Variants in PDE8B observed in about 807,000 individuals in gnomAD.
PDE8B encodes high affinity cAMP-specific and IBMX-insensitive 3',5'-cyclic phosphodiesterase 8B.
Under a neutral mutation model 101.3 loss-of-function variants are expected in PDE8B, and 26 were observed. The observed-to-expected ratio is 0.26, with a 90% CI of 0.19 to 0.36. The LOEUF (loss-of-function observed/expected upper bound fraction) is 0.36. Among genes scored for constraint, PDE8B ranks in the 10% least tolerant of loss-of-function variants. The probability of loss-of-function intolerance (pLI) is 1.00; values close to 1 mark genes in which losing one functional copy is unlikely to be tolerated. For missense variants in PDE8B, 810 were observed against 1,163.1 expected, an observed-to-expected ratio of 0.70 and a Z score of 4.42; for synonymous variants, 424 against 429.3, an observed-to-expected ratio of 0.99 and a Z score of 0.15.
intron 11 of PDE8B, among the ~76,000 whole-genome samples, chr5:77,401,228 C>G (rs1300475985): frequency 6.6e-6 from 1 of 152,194 alleles, no homozygotes; most frequent in Non-Finnish European, 1.5e-5. Flanking sequence ...GCTGGGATAA[C>G]ATAATGACAC....
intron 1 of PDE8B, among the ~76,000 whole-genome samples, chr5:77,242,710 C>T (rs367615295): frequency 5.9e-5 from 9 of 152,224 alleles, no homozygotes; most frequent in Non-Finnish European, 1.3e-4. Flanking sequence ...CTCCCTCTGT[C>T]GCCCAGGCTG....
intron 10 of PDE8B, among the ~76,000 whole-genome samples, chr5:77,385,795 G>GT (rs35717428): frequency 0.2 from 21,755 of 107,830 alleles, 3,578 homozygotes; most frequent in African/African-American, 0.36. Context: ...AGTGAGTGAG[G>GT]TTTTTTTTTT....
chr5:77,374,263 A>G (rs1460878829), intron 10 of PDE8B, among the ~76,000 whole-genome samples: 2 of 152,002 alleles, frequency 1.3e-5, no homozygotes, highest in Non-Finnish European at 2.9e-5. Context: ...ATCTGTGTCT[A>G]TTGAAGGTAT....
the PDE8B span, among the ~76,000 whole-genome samples, chr5:77,191,867 C>T: frequency 6.6e-6 from 1 of 151,922 alleles, no homozygotes; most frequent in Non-Finnish European, 1.5e-5. Context: ...CAGTGGGAGC[C>T]CTGAGCTTGT....
At chr5:77,317,576 C>T (rs1393566547) in intron 2 of PDE8B, among the ~76,000 whole-genome samples, 1 of 152,212 alleles carries the variant, frequency 6.6e-6, no homozygotes, top group Non-Finnish European at 1.5e-5. Context: ...ATGTGACCCA[C>T]AGGGAAAGTC....
chr5:77,269,194 A>G (rs1257055015), intron 1 of PDE8B, among the ~76,000 whole-genome samples: 1 of 152,066 alleles, frequency 6.6e-6, no homozygotes, highest in East Asian at 1.9e-4. Flanking sequence ...ATGATATCTC[A>G]TTGTAGTTTT....
intron 10 of PDE8B, among the ~76,000 whole-genome samples, chr5:77,397,064 ACT>A (rs777332251): frequency 5.3e-3 from 460 of 86,000 alleles, no homozygotes; most frequent in Middle Eastern, 0.019. Context: ...GCAGAGTGTC[ACT>A]GTGTTACCCA....
chr5:77,406,902 C>G (rs1439154195), intron 12 of PDE8B, among the ~76,000 whole-genome samples: 3 of 152,186 alleles, frequency 2.0e-5, no homozygotes, highest in Admixed American at 1.3e-4. Context: ...GTGACTGGCC[C>G]TAATTCAGAC....
the PDE8B span, among the ~76,000 whole-genome samples, chr5:77,098,243 T>G: frequency 6.6e-6 from 1 of 152,070 alleles, no homozygotes; most frequent in African/African-American, 2.4e-5. Context: ...TGAATTGTTT[T>G]TAATGTTCAC....
chr5:77,413,890 C>A (rs1301379170), intron 17 of PDE8B, among the ~76,000 whole-genome samples: 1 of 152,138 alleles, frequency 6.6e-6, no homozygotes, highest in African/African-American at 2.4e-5. Flanking sequence ...GCCCTAGGAA[C>A]CCCTTGCCCT....
At chr5:77,192,780 G>A in the PDE8B span, among the ~76,000 whole-genome samples, 1 of 152,144 alleles carries the variant, frequency 6.6e-6, no homozygotes, top group African/African-American at 2.4e-5. Flanking sequence ...AGAGATTGTA[G>A]TAATTTACAT....
the PDE8B span, chr5:77,140,463 A>G: frequency 6.6e-6 from 1 of 152,242 alleles, no homozygotes; most frequent in Non-Finnish European, 1.5e-5. Context: ...CAAACCCTGC[A>G]GAGGCTACAG....
intron 1 of PDE8B, among the ~76,000 whole-genome samples, chr5:77,306,397 C>T (rs541247690): frequency 6.6e-6 from 1 of 152,272 alleles, no homozygotes; most frequent in East Asian, 1.9e-4. Context: ...AGACTATGTC[C>T]TCAAGAAACT....
chr5:77,264,015 A>G lies in PDE8B; in HGVS notation c.340-47979A>G, dbSNP rs561555308. On this transcript the variant is annotated intron_variant, in intron 1 of 21. Transcript: ENST00000264917. ...ATAATTTGCCTATTCTGGACATTTC[A>G]TATGAAATGAACTCATGCAGTACGT... is the stretch of plus-strand genomic sequence containing the variant. 3.3e-5 allele frequency among the ~76,000 whole-genome samples: 5 copies of G among 152,312 alleles called. No individual in the cohort carries two copies. In the South Asian group the frequency reaches 1.0e-3, roughly 32 times the overall value.
chr5:77,291,778 T>C, intron 1 of PDE8B: 1 of 1,578,084 alleles, frequency 6.3e-7, no homozygotes, highest in South Asian at 1.1e-5. Context: ...GACTTTCCTC[T>C]GGCCCAAGGA....
At chr5:77,210,036 T>A (rs980199085), upstream of PDE8B, among the ~76,000 whole-genome samples, 1 of 152,038 alleles carries the variant, frequency 6.6e-6, no homozygotes, top group Non-Finnish European at 1.5e-5. The surrounding 1 kb of genome is among the most constrained non-coding windows in gnomAD (Gnocchi z 4.9). Flanking sequence ...GGTCTCTCCA[T>A]CACTTCCCGG....
At chr5:77,225,891 A>C (rs1267868042) in intron 1 of PDE8B, among the ~76,000 whole-genome samples, 2 of 146,970 alleles carry the variant, frequency 1.4e-5, no homozygotes, top group Non-Finnish European at 3.0e-5. Flanking sequence ...CCCCACGCAC[A>C]CATCTCAGAA....
At chr5:77,158,295 T>C in the PDE8B span, among the ~76,000 whole-genome samples, 484 of 152,254 alleles carry the variant, frequency 3.2e-3, 19 homozygotes, top group East Asian at 0.082. Context: ...TATGTAGTGA[T>C]TCAAGTCAAC....
the PDE8B span, among the ~76,000 whole-genome samples, chr5:77,125,277 C>T: frequency 6.6e-6 from 1 of 152,260 alleles, no homozygotes; most frequent in Non-Finnish European, 1.5e-5. Context: ...GCTTGGATTA[C>T]CACGCCCCAC....
Sources: gnomAD v4.1 joint callset for allele counts (sites outside exome capture counted in the v4.1 genomes callset) on GRCh38, gnomAD v4.1.1 for gene constraint, Gnocchi (gnomAD v3.1) non-coding constraint, MANE v1.5 for transcripts, NCBI Gene and HGNC (gene_info 2026-07-23, HGNC 2026-07-21) for gene names.